GRIK1: variants seen among roughly 807,000 people sequenced by gnomAD.
GRIK1 encodes the protein glutamate ionotropic receptor kainate type subunit 1, also known as glutamate receptor ionotropic, kainate 1.
Under a neutral mutation model 105.7 loss-of-function variants are expected in GRIK1, and 69 were observed. The ratio of observed to expected loss-of-function variants is 0.65; its 90% CI spans 0.54 to 0.80. The LOEUF (loss-of-function observed/expected upper bound fraction) is 0.80. Among genes scored for constraint, GRIK1 ranks in the 30% least tolerant of loss-of-function variants. The probability of loss-of-function intolerance (pLI) is 0.00; values close to 1 mark genes in which losing one functional copy is unlikely to be tolerated. For synonymous variants in GRIK1, 438 were observed against 431.3 expected, an observed-to-expected ratio of 1.02 and a Z score of -0.19; for missense variants, 1,109 against 1,167.3, an observed-to-expected ratio of 0.95 and a Z score of 0.73.
chr21:29,678,571 CTGAATATTTAAGTAAGGT>C, intron 3 of GRIK1, among the ~76,000 whole-genome samples: 1 of 152,036 alleles, frequency 6.6e-6, no homozygotes, highest in African/African-American at 2.4e-5. Context: ...GGGCATAGTT[CTGAATATTTAAGTAAGGT>C]TCTGGTCAAA....
intron 16 of GRIK1, among the ~76,000 whole-genome samples, chr21:29,550,775 CA>C: frequency 6.6e-6 from 1 of 152,292 alleles, no homozygotes; most frequent in African/African-American, 2.4e-5. Context: ...GACCAGAGAA[CA>C]ATACTTAGTT....
intron 1 of GRIK1, among the ~76,000 whole-genome samples, chr21:29,755,596 A>C (rs763595898): frequency 2.6e-5 from 4 of 152,196 alleles, no homozygotes; most frequent in Non-Finnish European, 4.4e-5. Context: ...ATAGAGTGGA[A>C]GCTCCTTTGG....
At chr21:29,584,813 C>G (rs117626921) in intron 12 of GRIK1, among the ~76,000 whole-genome samples, 1 of 152,224 alleles carries the variant, frequency 6.6e-6, no homozygotes, top group East Asian at 1.9e-4. Flanking sequence ...TACAGAGTGA[C>G]GGAGTTCATG....
chr21:29,851,864 T>G (rs1187549538), intron 1 of GRIK1, among the ~76,000 whole-genome samples: 2 of 152,226 alleles, frequency 1.3e-5, no homozygotes, highest in Non-Finnish European at 2.9e-5. Flanking sequence ...CAATACATGT[T>G]GTTTAGAATC....
intron 1 of GRIK1, among the ~76,000 whole-genome samples, chr21:29,710,452 A>G (rs2064017240): frequency 6.6e-6 from 1 of 152,150 alleles, no homozygotes. Flanking sequence ...GCTTAAAAAA[A>G]CTAATCAGTG....
chr21:29,597,537 TAAC>T (rs1458014905), intron 8 of GRIK1: 1 of 299,648 alleles, frequency 3.3e-6, no homozygotes, highest in Non-Finnish European at 7.3e-6. Context: ...TTTTAGATCA[TAAC>T]AAGTATTTTT....
chr21:29,654,111 G>A (rs1420606685), intron 5 of GRIK1, among the ~76,000 whole-genome samples: 2 of 152,126 alleles, frequency 1.3e-5, no homozygotes, highest in Non-Finnish European at 2.9e-5. Flanking sequence ...TTCTTCTCAT[G>A]TAAGGAAGTG....
intron 1 of GRIK1, chr21:29,763,967 T>C (rs945733571): frequency 2.0e-5 from 3 of 151,800 alleles, no homozygotes; most frequent in Admixed American, 6.6e-5. Context: ...AATAAAATGC[T>C]GGTTAAATAA....
intron 1 of GRIK1, among the ~76,000 whole-genome samples, chr21:29,800,996 T>C (rs2066692088): frequency 6.6e-6 from 1 of 152,154 alleles, no homozygotes; most frequent in Non-Finnish European, 1.5e-5. Flanking sequence ...ATGATCTCAC[T>C]GAAAATAATA....
intron 15 of GRIK1, among the ~76,000 whole-genome samples, chr21:29,557,979 T>C (rs2090298224): frequency 6.6e-6 from 1 of 152,178 alleles, no homozygotes; most frequent in Non-Finnish European, 1.5e-5. Context: ...ACCTAAAACA[T>C]TTCAGACAGA....
intron 1 of GRIK1, among the ~76,000 whole-genome samples, chr21:29,708,859 G>A (rs2063977678): frequency 6.6e-6 from 1 of 152,060 alleles, no homozygotes; most frequent in Admixed American, 6.6e-5. Context: ...TCTAGCCTAT[G>A]TGGGACTGTT....
At chr21:29,706,817 AC>A (rs2063917404) in intron 1 of GRIK1, among the ~76,000 whole-genome samples, 1 of 152,168 alleles carries the variant, frequency 6.6e-6, no homozygotes, top group Admixed American at 6.5e-5. Flanking sequence ...TGCTCAATGC[AC>A]GTATTTTTAA....
At chr21:29,910,556 C>T (rs1176286365) in intron 1 of GRIK1, among the ~76,000 whole-genome samples, 1 of 152,062 alleles carries the variant, frequency 6.6e-6, no homozygotes, top group Non-Finnish European at 1.5e-5. Flanking sequence ...CTGTGTAATA[C>T]AGCAAATTCA....
chr21:29,786,431 A>G (rs2066263179), intron 1 of GRIK1, among the ~76,000 whole-genome samples: 1 of 152,134 alleles, frequency 6.6e-6, no homozygotes, highest in South Asian at 2.1e-4. Context: ...TTTCTGGGGG[A>G]TTAGGATATG....
intron 1 of GRIK1, among the ~76,000 whole-genome samples, chr21:29,704,601 T>C (rs1220183053): frequency 2.6e-5 from 4 of 152,208 alleles, no homozygotes; most frequent in African/African-American, 9.6e-5. Context: ...CTCCTTCTTG[T>C]GCCTTAACAC....
intron 1 of GRIK1, among the ~76,000 whole-genome samples, chr21:29,882,289 C>T (rs2069443832): frequency 6.6e-6 from 1 of 152,028 alleles, no homozygotes; most frequent in Non-Finnish European, 1.5e-5. Flanking sequence ...CTAGGTACCC[C>T]TTTTTTGACT....
chr21:29,822,706 T>C (rs2067338463), intron 1 of GRIK1, among the ~76,000 whole-genome samples: 1 of 151,998 alleles, frequency 6.6e-6, no homozygotes. Context: ...CCACGTCACC[T>C]ATAGAATAAA....
intron 4 of GRIK1, among the ~76,000 whole-genome samples, chr21:29,660,504 G>A (rs1194040664): frequency 3.9e-5 from 6 of 152,154 alleles, no homozygotes; most frequent in Non-Finnish European, 8.8e-5. Context: ...TATGGAGACA[G>A]CAATGAAAAA....
At chr21:29,911,462 A>G (rs1352481831) in intron 1 of GRIK1, among the ~76,000 whole-genome samples, 3 of 152,074 alleles carry the variant, frequency 2.0e-5, no homozygotes, top group Non-Finnish European at 2.9e-5. Context: ...GAAAATTGCT[A>G]TAAACTATGT....
Sources: gnomAD v4.1 joint callset for allele counts (sites outside exome capture counted in the v4.1 genomes callset) on GRCh38, gnomAD v4.1.1 for gene constraint, MANE v1.5 for transcripts, NCBI Gene and HGNC (gene_info 2026-07-23, HGNC 2026-07-21) for gene names.